Variants in GRM3 observed in about 807,000 individuals in gnomAD.
GRM3 encodes the protein metabotropic glutamate receptor 3.
Under a neutral mutation model 70.5 loss-of-function variants are expected in GRM3, and 26 were observed. The ratio of observed to expected loss-of-function variants is 0.37; its 90% CI spans 0.27 to 0.51. The LOEUF is 0.51. Among genes scored for constraint, GRM3 ranks in the 20% least tolerant of loss-of-function variants. The probability of loss-of-function intolerance (pLI) is 0.93; values close to 1 mark genes in which losing one functional copy is unlikely to be tolerated. For missense variants in GRM3, 859 were observed against 1,123.8 expected (o/e 0.76, Z 3.37); for synonymous variants, 443 against 434.9 (o/e 1.02, Z -0.23).
chr7:86,689,486 C>G (rs1474175567), intron 1 of GRM3, among the ~76,000 whole-genome samples: 1 of 152,014 alleles, frequency 6.6e-6, no homozygotes, highest in African/African-American at 2.4e-5. Flanking sequence ...TAAGTTATGT[C>G]TCTTTATTCT....
chr7:86,747,094 C>G (rs1205293544), intron 1 of GRM3, among the ~76,000 whole-genome samples: 3 of 152,036 alleles, frequency 2.0e-5, no homozygotes, highest in African/African-American at 7.2e-5. Flanking sequence ...TTTATAAGTT[C>G]CCTTCCATAT....
intron 1 of GRM3, among the ~76,000 whole-genome samples, chr7:86,696,251 G>C (rs1794814108): frequency 6.6e-6 from 1 of 152,192 alleles, no homozygotes; most frequent in African/African-American, 2.4e-5. Flanking sequence ...AATTAAGAAA[G>C]AGTGATGGGA....
chr7:86,723,184 GA>G (rs763830926), intron 1 of GRM3, among the ~76,000 whole-genome samples: 2 of 151,658 alleles, frequency 1.3e-5, no homozygotes, highest in Non-Finnish European at 2.9e-5. Flanking sequence ...CATATGGGCA[GA>G]ACCCTATGAA....
At chr7:86,771,411 T>C (rs998474724) in intron 2 of GRM3, among the ~76,000 whole-genome samples, 3 of 152,124 alleles carry the variant, frequency 2.0e-5, no homozygotes, top group Non-Finnish European at 4.4e-5. Context: ...ATTATATTAG[T>C]ATTTTTGCAA....
chr7:86,775,945 C>A (rs1388600056), intron 2 of GRM3: 1 of 151,824 alleles, frequency 6.6e-6, no homozygotes, highest in African/African-American at 2.4e-5. Context: ...TCATACATAC[C>A]TTAAAATTGT....
chr7:86,715,831 T>G (rs1220702462), intron 1 of GRM3, among the ~76,000 whole-genome samples: 1 of 151,976 alleles, frequency 6.6e-6, no homozygotes, highest in Admixed American at 6.6e-5. Context: ...TTTCTATCTG[T>G]CATCTTGCAA....
At chr7:86,832,469 T>C (rs1485810157) in intron 3 of GRM3, among the ~76,000 whole-genome samples, 1 of 152,080 alleles carries the variant, frequency 6.6e-6, no homozygotes, top group Admixed American at 6.6e-5. Context: ...CAGGCTGGTC[T>C]TGAACTCCTG....
intron 3 of GRM3, among the ~76,000 whole-genome samples, chr7:86,797,561 T>C (rs1797578098): frequency 6.6e-6 from 1 of 152,182 alleles, no homozygotes; most frequent in East Asian, 1.9e-4. Context: ...CACAAAGATA[T>C]GTATTGGAAT....
intron 4 of GRM3, among the ~76,000 whole-genome samples, chr7:86,848,413 G>T (rs1428317889): frequency 6.6e-6 from 1 of 152,112 alleles, no homozygotes; most frequent in Non-Finnish European, 1.5e-5. Context: ...ATGACTTTAT[G>T]ATCTCTAAGT....
intron 1 of GRM3, among the ~76,000 whole-genome samples, chr7:86,695,027 T>C (rs1481122625): frequency 1.3e-5 from 2 of 152,204 alleles, no homozygotes; most frequent in Admixed American, 6.6e-5. Context: ...TTTGTACCAA[T>C]GCTTATCAGG....
chr7:86,757,983 T>G (rs1350626053), intron 1 of GRM3, among the ~76,000 whole-genome samples: 2 of 152,156 alleles, frequency 1.3e-5, no homozygotes, highest in Non-Finnish European at 2.9e-5. Context: ...TGTTCTGTTT[T>G]GTAGACTTGT....
At chr7:86,855,151 A>G (rs1421550172) in intron 5 of GRM3, among the ~76,000 whole-genome samples, 1 of 152,218 alleles carries the variant, frequency 6.6e-6, no homozygotes, top group Non-Finnish European at 1.5e-5. Flanking sequence ...CTGCTCTAGA[A>G]GCAAAAGAGA....
intron 3 of GRM3, among the ~76,000 whole-genome samples, chr7:86,795,444 T>C (rs1797527722): frequency 6.6e-6 from 1 of 152,032 alleles, no homozygotes; most frequent in South Asian, 2.1e-4. Flanking sequence ...CTATTGATCC[T>C]GGTGTTCTCC....
At chr7:86,800,525 A>T (rs1393392584) in intron 3 of GRM3, among the ~76,000 whole-genome samples, 1 of 152,200 alleles carries the variant, frequency 6.6e-6, no homozygotes, top group Non-Finnish European at 1.5e-5. Context: ...ATGCAAATAA[A>T]CTAGAAAATA....
In GRM3 at chr7:86,810,749, T is replaced by TAGGTCTC. The variant is rs557900919; in HGVS notation, c.1324+23636_1324+23642dup. Among the ~76,000 whole-genome samples, 615 of 152,082 alleles carry TAGGTCTC rather than the reference T, an allele frequency of 4.0e-3. 3 individuals carry two copies. Among genetic ancestry groups the TAGGTCTC allele is most frequent in the African/African-American group, 0.014 (584 of 41,516 alleles). ...TGACTAGCAAGTCACTCCTGTTATTTAGGTCTCAGTTATGCCATCTATCAA... is the reference window on the plus strand; with the variant it reads ...TGACTAGCAAGTCACTCCTGTTATTTAGGTCTCAGGTCTCAGTTATGCCATCTATCAA... On this transcript the variant is annotated intron_variant, in intron 3 of 5. Transcript: ENST00000361669.
intron 1 of GRM3, among the ~76,000 whole-genome samples, chr7:86,737,504 A>C (rs1795891000): frequency 6.6e-6 from 1 of 152,218 alleles, no homozygotes; most frequent in Non-Finnish European, 1.5e-5. Context: ...ATTTGTTGCA[A>C]GCAGTAAATG....
chr7:86,686,893 T>G (rs1204925716), intron 1 of GRM3, among the ~76,000 whole-genome samples: 1 of 151,996 alleles, frequency 6.6e-6, no homozygotes, highest in Non-Finnish European at 1.5e-5. Context: ...GAATGGAATT[T>G]CAGTGGAAAC....
intron 1 of GRM3, among the ~76,000 whole-genome samples, chr7:86,764,191 G>A (rs925413952): frequency 1.3e-5 from 2 of 152,200 alleles, no homozygotes; most frequent in South Asian, 4.1e-4. Flanking sequence ...AGTGGTAGTT[G>A]AAACTGAAAA....
intron 1 of GRM3, among the ~76,000 whole-genome samples, chr7:86,761,778 T>C (rs1052410546): frequency 2.0e-5 from 3 of 152,172 alleles, no homozygotes; most frequent in African/African-American, 7.2e-5. Context: ...GCTCTATTAA[T>C]CTGTTCCTTC....
Sources: gnomAD v4.1 joint callset for allele counts (sites outside exome capture counted in the v4.1 genomes callset) on GRCh38, gnomAD v4.1.1 for gene constraint, MANE v1.5 for transcripts, NCBI Gene and HGNC (gene_info 2026-07-23, HGNC 2026-07-21) for gene names.